NBEAL1: variants seen among roughly 807,000 people sequenced by gnomAD.
The protein encoded by NBEAL1 is neurobeachin like 1.
Under a neutral mutation model 351.3 loss-of-function variants are expected in NBEAL1, and 273 were observed. That is an observed-to-expected ratio of 0.78 (90% CI 0.70 to 0.86). NBEAL1 has a LOEUF of 0.86. Among genes scored for constraint, NBEAL1 ranks in the 40% least tolerant of loss-of-function variants. NBEAL1 has a pLI of 0.00. For missense variants in NBEAL1, 2,961 were observed against 3,201.3 expected (o/e 0.92, Z 1.81); for synonymous variants, 1,050 against 1,086.4 (o/e 0.97, Z 0.66).
At chr2:203,209,405 A>ATC in intron 53 of NBEAL1, 83 bp downstream of exon 53, 1 of 1,052,928 alleles carries the variant, frequency 9.5e-7, no homozygotes, top group Non-Finnish European at 1.4e-6. Context: ...TTTATTGAAG[A>ATC]AGGAAAGAAC....
At chr2:203,031,903 C>T (rs1303097994) in intron 2 of NBEAL1, among the ~76,000 whole-genome samples, 1 of 152,156 alleles carries the variant, frequency 6.6e-6, no homozygotes, top group Admixed American at 6.5e-5. Context: ...TATACAATCC[C>T]CTCCCACATT....
At position 203,016,287 on chromosome 2, in the gene NBEAL1, A is replaced by T; in HGVS notation, c.-98A>T. The stretch of plus-strand genomic sequence containing the variant: ...TGCTTTCTTTACTGCTATGAGCTTT[A>T]CTGAACGGCTGAAAAACTTGGAAAA... On this transcript the variant is annotated 5_prime_UTR_variant, in exon 2 of 56. Coordinates refer to ENST00000683969, the MANE Select transcript of NBEAL1 (RefSeq NM_001378026.1). The T allele has an allele frequency of 1.2e-6, 1 of 811,276 alleles. No individual in the cohort carries two copies. The highest frequency in any genetic ancestry group is 1.9e-6 in the Non-Finnish European group (1 of 530,494). 50.3% of individuals were successfully genotyped at this position (811,276 alleles called of 1,614,324 possible). A position where few individuals can be genotyped will look rare whatever the true frequency, so the allele number is the denominator to read the frequency against.
In NBEAL1 at chr2:203,225,188, T is replaced by G. The variant is rs1377709937; in HGVS notation, c.*7834T>G. Among the ~76,000 whole-genome samples, 1 of 152,232 alleles carries G rather than the reference T, an allele frequency of 6.6e-6. No homozygotes were observed. The highest frequency in any genetic ancestry group is 1.5e-5 in the Non-Finnish European group (1 of 68,034). ...ATCAAATAAAAAAAGTGATGTTACT[T>G]TCTTCAGTTGATTTGTAATTCTCAG... On this transcript the variant is annotated 3_prime_UTR_variant, in exon 56 of 56. Coordinates refer to ENST00000683969, the MANE Select transcript of NBEAL1 (RefSeq NM_001378026.1).
At chr2:203,146,591 G>A (rs547425508) in intron 33 of NBEAL1, among the ~76,000 whole-genome samples, 8 of 152,146 alleles carry the variant, frequency 5.3e-5, no homozygotes, top group East Asian at 3.9e-4. Flanking sequence ...TGAGGAGTTC[G>A]ACACCAGCCT....
In NBEAL1 at chr2:203,144,670, C is replaced by T. The variant is rs201260776; in HGVS notation, c.4919C>T (p.Ala1640Val). 471 of 1,613,960 alleles carry T rather than the reference C, an allele frequency of 2.9e-4. No homozygotes were observed. Among genetic ancestry groups the T allele is most frequent in the Non-Finnish European group, 3.7e-4 (441 of 1,179,976 alleles). ...QTKVIENQDEACYILGKLEHV... is the reference protein window; with the variant it reads ...QTKVIENQDEVCYILGKLEHV... ...AAAGTGATTGAAAATCAGGATGAAG[C>T]ATGTTACATTTTAGGGAAGCTGGAA... Residue 1640 changes from alanine (A) to valine (V), a missense_variant, in exon 32 of 56, where the codon GCA becomes GTA. By Grantham distance (64) the Ala-to-Val change is moderately conservative. Transcript: ENST00000683969.
chr2:203,036,567 ATCTTCT>A (rs1219698535), intron 2 of NBEAL1, among the ~76,000 whole-genome samples: 1 of 149,248 alleles, frequency 6.7e-6, no homozygotes, highest in Non-Finnish European at 1.5e-5. Context: ...GGGAAATTAA[ATCTTCT>A]TCATTGGATA....
At position 203,136,009 on chromosome 2, in the gene NBEAL1, G is replaced by T. The variant is rs1314056599; in HGVS notation, c.4146G>T (p.Leu1382Phe). 6.2e-7 allele frequency: 1 copy of T among 1,613,500 alleles called. No individual in the cohort carries two copies. The highest frequency in any genetic ancestry group is 1.7e-5 in the Admixed American group (1 of 59,942). Residue 1382 changes from leucine to phenylalanine, a missense_variant, in exon 28 of 56, where the codon TTG becomes TTT. Coordinates refer to ENST00000683969, the MANE Select transcript of NBEAL1 (RefSeq NM_001378026.1). The part of the protein sequence containing the change: ...LFPEDSSVGE[L>F]SFKSENQEEF... ...CAGAAGATAGCTCTGTGGGAGAATT[G>T]TCTTTCAAATCAGAGAATCAAGAGG...
chr2:203,220,648 T>TA lies in NBEAL1; in HGVS notation c.*3296dup, dbSNP rs2065944277. On this transcript the variant is annotated 3_prime_UTR_variant, in exon 56 of 56. Coordinates refer to ENST00000683969, the MANE Select transcript of NBEAL1 (RefSeq NM_001378026.1). ...AAATGAGATCAAGTATTAAAACATG[T>TA]AATAGCTGTGCACGCTTAGAGAATA... Among the ~76,000 whole-genome samples the TA allele has an allele frequency of 6.6e-6, 1 of 152,186 alleles. No homozygotes were observed. Among genetic ancestry groups the TA allele is most frequent in the Admixed American group, 6.5e-5 (1 of 15,270 alleles).
rs573559349 is a variant in NBEAL1 at position 203,219,016 on chromosome 2, CAAGTT to C, written c.*1667_*1671del. 7 of 152,214 alleles carry C rather than the reference CAAGTT, an allele frequency of 4.6e-5. No individual in the cohort carries two copies. The highest frequency in any genetic ancestry group is 3.9e-4 in the East Asian group (2 of 5,180). The allele number at this position is 152,214 out of a possible 1,614,324, so 9.4% of individuals were successfully genotyped here. ...CAGGAATTTGTATTGAACAAAGTCTCAAGTTAAGTAGCAATAATTATGATGCATAA... is the reference window on the plus strand; with the variant it reads ...CAGGAATTTGTATTGAACAAAGTCTCAAGTAGCAATAATTATGATGCATAA... On this transcript the variant is annotated 3_prime_UTR_variant, in exon 56 of 56. Coordinates refer to ENST00000683969, the MANE Select transcript of NBEAL1 (RefSeq NM_001378026.1).
At chr2:203,184,125 A>C (rs2064823283) in intron 44 of NBEAL1, among the ~76,000 whole-genome samples, 1 of 150,738 alleles carries the variant, frequency 6.6e-6, no homozygotes. Flanking sequence ...AGGCAGCTAA[A>C]CCCTAAATGC....
At chr2:203,111,539 GT>G (rs2062573158) in intron 15 of NBEAL1, among the ~76,000 whole-genome samples, 2 of 151,678 alleles carry the variant, frequency 1.3e-5, no homozygotes, top group Non-Finnish European at 2.9e-5. Flanking sequence ...CCCGGCTAAT[GT>G]TTGTATTTTT....
chr2:203,124,090 A>G (rs779495833), intron 19 of NBEAL1, among the ~76,000 whole-genome samples: 10 of 152,208 alleles, frequency 6.6e-5, no homozygotes, highest in Non-Finnish European at 1.3e-4. Context: ...TAATCCCAGT[A>G]CTTTGGGAGG....
chr2:203,129,176 TTTTTGCATG>T (rs1288829822), intron 24 of NBEAL1, among the ~76,000 whole-genome samples: 9 of 152,164 alleles, frequency 5.9e-5, no homozygotes, highest in African/African-American at 1.7e-4. Context: ...CAGGAATTAC[TTTTTGCATG>T]TACGCTTTTG....
Position 203,135,840 on chromosome 2 carries a change from A to G in NBEAL1, c.3977A>G (p.Asn1326Ser). Residue 1326 changes from asparagine to serine, a missense_variant, in exon 28 of 56, where the codon AAT (asparagine) becomes AGT (serine). Asn to Ser is a conservative substitution (Grantham distance 46, BLOSUM62 1). Transcript: ENST00000683969. ...RAVLMKDNDK[N>S]MSTEDTKKNS... ...GTTTTAATGAAAGACAATGATAAAA[A>G]TATGTCAACTGAAGATACCAAGAAG... The G allele has an allele frequency of 6.2e-7, 1 of 1,614,034 alleles. No homozygotes were observed. Among genetic ancestry groups the G allele is most frequent in the Non-Finnish European group, 8.5e-7 (1 of 1,179,978 alleles).
At chr2:203,121,802 TTGAGACAGAGTCTCACTCTGTCAC>T (rs2062838034) in intron 18 of NBEAL1, among the ~76,000 whole-genome samples, 1 of 152,088 alleles carries the variant, frequency 6.6e-6, no homozygotes, top group Non-Finnish European at 1.5e-5. Context: ...TATTTATTTT[TTGAGACAGAGTCTCACTCTGTCAC>T]TGAGGCTGGA....
At position 203,149,005 on chromosome 2, in the gene NBEAL1, G is replaced by A. The variant is rs756293869; in HGVS notation, c.5319G>A (p.Glu1773=). 1.2e-6 allele frequency: 2 copies of A among 1,607,366 alleles called. No homozygotes were observed. Among genetic ancestry groups the A allele is most frequent in the African/African-American group, 1.3e-5 (1 of 74,866 alleles). Reference sequence around the variant, plus strand: ...GTTTCTTTCAGGAGCTGTTTGTGGAGCCATTTAATCGAAAAGCACGCCAAG... The same window carrying A: ...GTTTCTTTCAGGAGCTGTTTGTGGAACCATTTAATCGAAAAGCACGCCAAG... ...SKLKFQELFV[E]PFNRKARQEN... Residue 1773 remains glutamate (E), a synonymous_variant, in exon 34 of 56, where the codon GAG becomes GAA. Transcript: ENST00000683969.
chr2:203,126,168 A>C, intron 21 of NBEAL1, 75 bp downstream of exon 21: 1 of 1,343,442 alleles, frequency 7.4e-7, no homozygotes, highest in South Asian at 1.5e-5. Context: ...TTTTCTTCCT[A>C]ATAAATATAT....
intron 9 of NBEAL1, among the ~76,000 whole-genome samples, chr2:203,083,891 T>C (rs1472075060): frequency 2.0e-5 from 3 of 152,150 alleles, no homozygotes; most frequent in Admixed American, 6.6e-5. Flanking sequence ...TGTATGTGCC[T>C]CTATAACATC....
At chr2:203,216,253 C>T (rs1213855719) in intron 55 of NBEAL1, among the ~76,000 whole-genome samples, 2 of 152,040 alleles carry the variant, frequency 1.3e-5, no homozygotes, top group Admixed American at 1.3e-4. Context: ...GGGGCTTATG[C>T]TCTCCTTGTT....
Sources: gnomAD v4.1 joint callset for allele counts (sites outside exome capture counted in the v4.1 genomes callset) on GRCh38, gnomAD v4.1.1 for gene constraint, MANE v1.5 for transcripts, NCBI Gene and HGNC (gene_info 2026-07-23, HGNC 2026-07-21) for gene names.